Variants in SYCE3 observed in about 807,000 individuals in gnomAD.
SYCE3 encodes the protein testis highly expressed gene 2 protein.
SYCE3 carries 3 observed loss-of-function variants against 8.1 expected under a neutral mutation model. The ratio of observed to expected loss-of-function variants is 0.37; its 90% CI spans 0.17 to 0.96. SYCE3 has a LOEUF of 0.96. Among genes scored for constraint, SYCE3 ranks in the 40% least tolerant of loss-of-function variants. SYCE3 has a pLI of 0.41. For missense variants in SYCE3, 83 were observed against 110.0 expected (o/e 0.75, Z 1.10); for synonymous variants, 36 against 38.7 (o/e 0.93, Z 0.26).
chr22:50,554,274 C>T (rs369268160), intron 2 of SYCE3, among the ~76,000 whole-genome samples: 4 of 151,080 alleles, frequency 2.6e-5, no homozygotes, highest in East Asian at 3.9e-4. Context: ...AAAAGGAATA[C>T]GGAGAAAAGT....
intron 1 of SYCE3, among the ~76,000 whole-genome samples, chr22:50,558,545 C>T (rs79989431): frequency 8.3e-4 from 127 of 152,294 alleles, no homozygotes; most frequent in Non-Finnish European, 1.0e-3. Context: ...ACAGGCAGAT[C>T]TGAGAATGAG....
intron 1 of SYCE3, among the ~76,000 whole-genome samples, 195 bp downstream of exon 1, chr22:50,562,663 T>C (rs538051321): frequency 4.7e-5 from 2 of 42,128 alleles, no homozygotes; most frequent in Non-Finnish European, 9.8e-5. Flanking sequence ...GGGTGAAGGG[T>C]GAGGCGGGGT....
chr22:50,551,697 A>G lies in SYCE3; in HGVS notation c.110-295T>C, dbSNP rs560368189. ...TCTGATACGAAATGTGAGGAGAATT[A>G]GAGCAAACCGCAGCTCCTTACCTAC... On this transcript the variant is annotated intron_variant, in intron 2 of 2. Transcript: ENST00000406915. 2.6e-5 allele frequency among the ~76,000 whole-genome samples: 4 copies of G among 152,368 alleles called. No homozygotes were observed. The East Asian group carries it at 7.7e-4, about 29-fold the overall frequency.
intron 2 of SYCE3, among the ~76,000 whole-genome samples, chr22:50,551,835 A>G (rs2069812723): frequency 6.6e-6 from 1 of 152,088 alleles, no homozygotes; most frequent in African/African-American, 2.4e-5. Context: ...ACCTCATGTC[A>G]CCTTATGTTC....
At chr22:50,551,655 A>G (rs1221924098) in intron 2 of SYCE3, among the ~76,000 whole-genome samples, 1 of 149,806 alleles carries the variant, frequency 6.7e-6, no homozygotes, top group Non-Finnish European at 1.5e-5. Context: ...GACATGATGT[A>G]AAAAACTAGA....
chr22:50,551,183 C>A lies in SYCE3; in HGVS notation c.*62G>T. ...CTATTCATGTGGGTGCCAGCTCCAT[C>A]CCCCAGTGACCTCTTCATACGGGCA... On this transcript the variant is annotated 3_prime_UTR_variant, in exon 3 of 3. Transcript: ENST00000406915. 1 of 1,532,376 alleles carries A rather than the reference C, an allele frequency of 6.5e-7. No homozygotes were observed. The highest frequency in any genetic ancestry group is 1.2e-5 in the South Asian group (1 of 82,316). The allele number at this position is 1,532,376 out of a possible 1,614,324, so 94.9% of individuals were successfully genotyped here. A position where few individuals can be genotyped will look rare whatever the true frequency, so the allele number is the denominator to read the frequency against.
At chr22:50,556,469 GT>G in intron 1 of SYCE3, 64 bp from the exon 2 acceptor site, 1 of 1,134,664 alleles carries the variant, frequency 8.8e-7, no homozygotes, top group Non-Finnish European at 1.3e-6. Flanking sequence ...AGCTCCACTG[GT>G]TATAACTCAG....
chr22:50,554,954 C>G (rs1413131164), intron 2 of SYCE3, among the ~76,000 whole-genome samples: 1 of 151,524 alleles, frequency 6.6e-6, no homozygotes, highest in Admixed American at 6.6e-5. Flanking sequence ...AACCCCGTCT[C>G]TACTAAAAAT....
intron 1 of SYCE3, among the ~76,000 whole-genome samples, chr22:50,557,620 A>G (rs908597056): frequency 6.6e-6 from 1 of 152,242 alleles, no homozygotes. Context: ...CAGTAATTAC[A>G]TCACTCCAGA....
At chr22:50,555,565 A>G (rs901525163) in intron 2 of SYCE3, among the ~76,000 whole-genome samples, 2 of 152,170 alleles carry the variant, frequency 1.3e-5, no homozygotes, top group Non-Finnish European at 2.9e-5. Context: ...GCTTTTTACA[A>G]TCTATTCCCT....
At chr22:50,561,060 C>T (rs184258531) in intron 1 of SYCE3, among the ~76,000 whole-genome samples, 23 of 152,210 alleles carry the variant, frequency 1.5e-4, no homozygotes, top group Admixed American at 5.9e-4. Flanking sequence ...GACCCTAAGA[C>T]GGCACAGAGA....
chr22:50,555,831 T>G (rs1318883068), intron 2 of SYCE3, among the ~76,000 whole-genome samples: 1 of 148,436 alleles, frequency 6.7e-6, no homozygotes, highest in Non-Finnish European at 1.5e-5. Context: ...TCTCACTCTG[T>G]CGCCCAGGCT....
At chr22:50,555,758 G>C (rs1352627466) in intron 2 of SYCE3, among the ~76,000 whole-genome samples, 2 of 149,724 alleles carry the variant, frequency 1.3e-5, no homozygotes, top group East Asian at 2.0e-4. Flanking sequence ...CCCCCTTTGA[G>C]TTGTCCCACC....
At chr22:50,556,203 G>A (rs1246255610) in intron 2 of SYCE3, 94 bp downstream of exon 2, 2 of 842,944 alleles carry the variant, frequency 2.4e-6, no homozygotes, top group African/African-American at 3.4e-5. Flanking sequence ...GACCTCCTGA[G>A]GCTGTGTCAC....
chr22:50,557,517 G>A (rs963996192), intron 1 of SYCE3, among the ~76,000 whole-genome samples: 1 of 151,992 alleles, frequency 6.6e-6, no homozygotes, highest in African/African-American at 2.4e-5. Flanking sequence ...AGTTTTGTGA[G>A]GATTAATTGA....
At chr22:50,557,681 A>G (rs1603442825) in intron 1 of SYCE3, among the ~76,000 whole-genome samples, 1 of 152,148 alleles carries the variant, frequency 6.6e-6, no homozygotes, top group East Asian at 1.9e-4. Flanking sequence ...TTAATATTTG[A>G]TGCTCACCTA....
intron 1 of SYCE3, among the ~76,000 whole-genome samples, chr22:50,557,928 T>C (rs937971302): frequency 1.3e-5 from 2 of 152,104 alleles, no homozygotes; most frequent in Admixed American, 1.3e-4. Flanking sequence ...TGGGCCTCCC[T>C]CATCACGGTG....
intron 2 of SYCE3, among the ~76,000 whole-genome samples, chr22:50,555,000 T>C (rs1031877553): frequency 2.0e-5 from 3 of 151,476 alleles, no homozygotes; most frequent in African/African-American, 7.3e-5. Context: ...CGGGCGCCTG[T>C]AGTCCCAGCT....
rs184854383 is a variant in SYCE3 at position 50,558,492 on chromosome 22, T to G, written c.1-2087A>C. On this transcript the variant is annotated intron_variant, in intron 1 of 2. Coordinates refer to ENST00000406915, the MANE Select transcript of SYCE3 (RefSeq NM_001123225.3). ...CTCTTGCCGTCCTCCCTGTTAAGGG[T>G]AGAGATTCTGAGGGAGGAGCAAAGG... 4.6e-5 allele frequency among the ~76,000 whole-genome samples: 7 copies of G among 150,914 alleles called. No individual in the cohort carries two copies. The East Asian group carries it at 1.2e-3, about 25-fold the overall frequency.
Sources: gnomAD v4.1 joint callset for allele counts (sites outside exome capture counted in the v4.1 genomes callset) on GRCh38, gnomAD v4.1.1 for gene constraint, MANE v1.5 for transcripts, NCBI Gene and HGNC (gene_info 2026-07-23, HGNC 2026-07-21) for gene names.